The following SNX29 variants were observed in gnomAD, a reference collection of about 807,000 sequenced individuals.
SNX29 encodes the protein sorting nexin-29.
Under a neutral mutation model 102.1 loss-of-function variants are expected in SNX29, and 78 were observed. That is an observed-to-expected ratio of 0.76 (90% CI 0.64 to 0.92). The LOEUF is 0.92. Among genes scored for constraint, SNX29 ranks in the 40% least tolerant of loss-of-function variants. SNX29 has a pLI of 0.00. For missense variants in SNX29, 1,280 were observed against 1,061.7 expected (o/e 1.21, Z -2.86); for synonymous variants, 580 against 414.5 (o/e 1.40, Z -4.85).
At chr16:12,466,935 C>G (rs974572519) in intron 18 of SNX29, among the ~76,000 whole-genome samples, 2 of 152,210 alleles carry the variant, frequency 1.3e-5, no homozygotes, top group African/African-American at 4.8e-5. Flanking sequence ...CATATCTACT[C>G]ATAGACTTTG....
chr16:12,435,537 CT>C (rs2085497112), intron 18 of SNX29, among the ~76,000 whole-genome samples: 1 of 152,160 alleles, frequency 6.6e-6, no homozygotes, highest in Non-Finnish European at 1.5e-5. Flanking sequence ...TTTATGAATC[CT>C]TCTAGACATC....
intron 6 of SNX29, 74 bp from the exon 7 acceptor site, chr16:12,048,298 G>T: frequency 1.2e-6 from 2 of 1,603,562 alleles, no homozygotes; most frequent in Non-Finnish European, 1.7e-6. Flanking sequence ...TCTGTTGTCT[G>T]CAGCTGTCTT....
At chr16:12,171,891 T>C (rs1315026242) in intron 13 of SNX29, among the ~76,000 whole-genome samples, 1 of 152,236 alleles carries the variant, frequency 6.6e-6, no homozygotes, top group East Asian at 1.9e-4. Flanking sequence ...GGCTGTGCAC[T>C]GTCAGGCAAT....
intron 1 of SNX29, among the ~76,000 whole-genome samples, chr16:11,995,559 A>C (rs1596548302): frequency 7.0e-6 from 1 of 142,890 alleles, no homozygotes; most frequent in Non-Finnish European, 1.5e-5. Flanking sequence ...TTCCCCCCCC[A>C]CCCCATCATG....
intron 13 of SNX29, among the ~76,000 whole-genome samples, chr16:12,155,311 C>A (rs2055495572): frequency 6.6e-6 from 1 of 152,112 alleles, no homozygotes; most frequent in South Asian, 2.1e-4. Flanking sequence ...TAGAAAAATC[C>A]TGTGTTAAGT....
intron 15 of SNX29, among the ~76,000 whole-genome samples, chr16:12,341,870 T>A (rs893537973): frequency 1.3e-5 from 2 of 152,234 alleles, no homozygotes; most frequent in African/African-American, 4.8e-5. Context: ...GACCCACTTG[T>A]TGTCTTCATG....
At chr16:12,115,485 T>TTTTG (rs369070216) in intron 11 of SNX29, among the ~76,000 whole-genome samples, 1 of 141,858 alleles carries the variant, frequency 7.0e-6, no homozygotes, top group African/African-American at 2.7e-5. Flanking sequence ...CCACCTTGAT[T>TTTTG]TGTGTGTGTG....
intron 17 of SNX29, among the ~76,000 whole-genome samples, chr16:12,400,925 C>G (rs1404316776): frequency 6.6e-6 from 1 of 152,132 alleles, no homozygotes; most frequent in African/African-American, 2.4e-5. Flanking sequence ...TGGGTTCATG[C>G]CATTCTCCTG....
chr16:12,470,736 T>A (rs1317323005), intron 18 of SNX29, among the ~76,000 whole-genome samples: 1 of 152,244 alleles, frequency 6.6e-6, no homozygotes, highest in African/African-American at 2.4e-5. Context: ...TTAGCCATGG[T>A]AATTACCTGC....
chr16:12,484,233 C>G (rs564692771), intron 19 of SNX29, among the ~76,000 whole-genome samples: 4 of 152,120 alleles, frequency 2.6e-5, no homozygotes, highest in Non-Finnish European at 4.4e-5. Context: ...ACTGCAGCCT[C>G]GAACTCCCCG....
At position 12,527,392 on chromosome 16, in the gene SNX29, A is replaced by C. The variant is rs1266102198; in HGVS notation, c.2318+2551A>C. On this transcript the variant is annotated intron_variant, in intron 20 of 20. Coordinates refer to ENST00000566228, the MANE Select transcript of SNX29 (RefSeq NM_032167.5). ...AAAATAAAAATCTCCTGCCTAAGGA[A>C]ATAAACCCCCAAAGCATAATTATTC... The C allele has an allele frequency of 1.8e-5, 9 of 491,000 alleles. No individual in the cohort carries two copies. In the Admixed American group the frequency reaches 1.9e-4, roughly 10 times the overall value. 30.4% of individuals were successfully genotyped at this position (491,000 alleles called of 1,614,324 possible).
At chr16:12,441,514 T>C (rs898589612) in intron 18 of SNX29, among the ~76,000 whole-genome samples, 2 of 152,250 alleles carry the variant, frequency 1.3e-5, no homozygotes, top group Non-Finnish European at 2.9e-5. Context: ...ATTATGTAGC[T>C]ATGAACATTC....
At chr16:12,185,013 C>T (rs2076477182) in intron 13 of SNX29, among the ~76,000 whole-genome samples, 1 of 152,194 alleles carries the variant, frequency 6.6e-6, no homozygotes, top group Non-Finnish European at 1.5e-5. Context: ...GGATGCTGAA[C>T]CATCAGCTGT....
chr16:12,355,854 A>ATT (rs1567471784), intron 15 of SNX29, among the ~76,000 whole-genome samples: 1 of 104,914 alleles, frequency 9.5e-6, no homozygotes, highest in Non-Finnish European at 1.8e-5. Flanking sequence ...AAAAAAAAAA[A>ATT]AAAAAAAAAA....
chr16:12,423,453 G>T lies in SNX29; in HGVS notation c.2037+19924G>T, dbSNP rs544924418. Among the ~76,000 whole-genome samples the T allele has an allele frequency of 1.2e-4, 18 of 152,290 alleles. No homozygotes were observed. In the East Asian group the frequency reaches 3.1e-3, roughly 26 times the overall value. On this transcript the variant is annotated intron_variant, in intron 18 of 20. Coordinates refer to ENST00000566228, the MANE Select transcript of SNX29 (RefSeq NM_032167.5). ...AGCCTCCCCTCCAGCTCAGGGCTTT[G>T]GGGCTCAGGCAAACCCTACGAGCAC...
chr16:12,233,661 G>A (rs908402195), intron 14 of SNX29, among the ~76,000 whole-genome samples: 2 of 152,178 alleles, frequency 1.3e-5, no homozygotes, highest in South Asian at 2.1e-4. Flanking sequence ...TCTATTTAGT[G>A]TATGATTTAA....
chr16:11,979,977 C>T (rs1316500241), intron 1 of SNX29, among the ~76,000 whole-genome samples: 1 of 152,190 alleles, frequency 6.6e-6, no homozygotes. Flanking sequence ...TTTAAAAACT[C>T]AGAATCTAAG....
At chr16:12,120,048 G>A (rs1328962752) in intron 11 of SNX29, among the ~76,000 whole-genome samples, 1 of 152,180 alleles carries the variant, frequency 6.6e-6, no homozygotes, top group Non-Finnish European at 1.5e-5. Context: ...TGGGCTAGGG[G>A]AGGAGGGTGG....
chr16:12,370,770 A>G (rs1430167088), intron 16 of SNX29, among the ~76,000 whole-genome samples: 1 of 152,182 alleles, frequency 6.6e-6, no homozygotes, highest in African/African-American at 2.4e-5. Flanking sequence ...TTCCCTGGCC[A>G]GCTGGTCTGT....
Sources: gnomAD v4.1 joint callset for allele counts (sites outside exome capture counted in the v4.1 genomes callset) on GRCh38, gnomAD v4.1.1 for gene constraint, MANE v1.5 for transcripts, NCBI Gene and HGNC (gene_info 2026-07-23, HGNC 2026-07-21) for gene names.